HTT: variants seen among roughly 807,000 people sequenced by gnomAD.
HTT encodes huntington disease protein.
Under a neutral mutation model 362.3 loss-of-function variants are expected in HTT, and 104 were observed. That is an observed-to-expected ratio of 0.29 (90% confidence interval 0.24 to 0.34). The LOEUF is 0.34. Among genes scored for constraint, HTT ranks in the 10% least tolerant of loss-of-function variants. The pLI is 1.00. For missense variants in HTT, 3,301 were observed against 3,928.6 expected, an observed-to-expected ratio of 0.84 and a Z score of 4.27; for synonymous variants, 1,577 against 1,548.7, an observed-to-expected ratio of 1.02 and a Z score of -0.43.
At chr4:3,087,862 T>G (rs573496069) in intron 2 of HTT, among the ~76,000 whole-genome samples, 1 of 152,350 alleles carries the variant, frequency 6.6e-6, no homozygotes, top group South Asian at 2.1e-4. Flanking sequence ...TTTTTAATTT[T>G]TTTTTGAGAC....
At chr4:3,229,234 C>CCA (rs200984034) in intron 59 of HTT, among the ~76,000 whole-genome samples, 29 of 148,840 alleles carry the variant, frequency 1.9e-4, no homozygotes, top group Non-Finnish European at 3.0e-4. Flanking sequence ...AGCACACATG[C>CCA]CACACACACA....
intron 8 of HTT, among the ~76,000 whole-genome samples, chr4:3,119,495 A>G (rs1298479808): frequency 6.6e-6 from 1 of 152,234 alleles, no homozygotes; most frequent in Non-Finnish European, 1.5e-5. Context: ...TGGACTCAGA[A>G]AGAAATATTT....
In HTT at chr4:3,116,174, C is replaced by G. The variant is rs1715018569; in HGVS notation, c.979C>G (p.Gln327Glu). The change falls in exon 8 of 67, where the codon CAG becomes GAG. Residue 327 changes from glutamine (Q) to glutamate (E), a missense_variant. Physicochemically the swap from Gln to Glu is conservative, Grantham distance 29. This residue lies in a region of HTT where 2,316 missense variants were observed against 2,658.5 expected (regional missense o/e 0.87). Transcript: ENST00000355072. ...GAGGTATTTGGTGCCCTTGCTGCAG[C>G]AGCAGGTCAAGGACACAAGCCTGAA... The part of the protein sequence containing the change: ...TLRYLVPLLQ[Q>E]QVKDTSLKGS... The G allele has an allele frequency of 6.2e-7, 1 of 1,613,912 alleles. No individual in the cohort carries two copies. Among genetic ancestry groups the G allele is most frequent in the Non-Finnish European group, 8.5e-7 (1 of 1,179,826 alleles).
At position 3,074,700 on chromosome 4, in the gene HTT, G is replaced by C. The variant is rs1201068293; in HGVS notation, c.-126G>C. 1.2e-5 allele frequency: 13 copies of C among 1,053,394 alleles called. No homozygotes were observed. The highest frequency in any genetic ancestry group is 1.7e-5 in the Non-Finnish European group (13 of 775,028). The allele number at this position is 1,053,394 out of a possible 1,614,324, so 65.3% of individuals were successfully genotyped here. On this transcript the variant is annotated 5_prime_UTR_variant, in exon 1 of 67. Coordinates refer to ENST00000355072, the MANE Select transcript of HTT (RefSeq NM_001388492.1). The stretch of plus-strand genomic sequence containing the variant: ...GTGGGGGCTGCCGGGACGGGTCCAA[G>C]ATGGACGGCCGCTCAGGTTCTGCTT...
chr4:3,197,634 A>G lies in HTT; in HGVS notation c.5369-2098A>G, dbSNP rs376604811. Among the ~76,000 whole-genome samples the G allele has an allele frequency of 3.9e-5, 6 of 152,024 alleles. No individual in the cohort carries two copies. In the South Asian group the frequency reaches 1.0e-3, roughly 26 times the overall value. The stretch of plus-strand genomic sequence containing the variant: ...ACCTGGGTTCTCCTGTTTGCTCCTT[A>G]TTACAGCCCTGCGAACAGATACTGC... On this transcript the variant is annotated intron_variant, in intron 40 of 66. Transcript: ENST00000355072.
intron 1 of HTT, among the ~76,000 whole-genome samples, chr4:3,075,775 G>A (rs1034486336): frequency 1.3e-5 from 2 of 152,102 alleles, no homozygotes; most frequent in African/African-American, 2.4e-5. Context: ...TGATCACGGT[G>A]GTAGTAACAC....
At position 3,154,320 on chromosome 4, in the gene HTT, C is replaced by G. The variant is rs781017733; in HGVS notation, c.3526C>G (p.Pro1176Ala). Residue 1176 changes from proline (P) to alanine (A), a missense_variant, in exon 27 of 67, where the codon CCT becomes GCT. This residue lies in a region of HTT where 2,316 missense variants were observed against 2,658.5 expected (regional missense o/e 0.87). Transcript: ENST00000355072. ...KAALPSLTNPPSLSPIRRKGK... is the reference protein window; with the variant it reads ...KAALPSLTNPASLSPIRRKGK... ...AGCCTTGCCTTCTCTAACAAACCCC[C>G]CTTCTCTAAGTCCCATCCGACGAAA... The G allele has an allele frequency of 1.9e-6, 3 of 1,605,480 alleles. No individual in the cohort carries two copies. Among genetic ancestry groups the G allele is most frequent in the African/African-American group, 1.3e-5 (1 of 74,634 alleles).
chr4:3,155,065 T>C (rs1717075521), intron 27 of HTT, among the ~76,000 whole-genome samples: 1 of 152,028 alleles, frequency 6.6e-6, no homozygotes, highest in Admixed American at 6.6e-5. Context: ...TGACTGCTGC[T>C]GCCTCTGCTA....
At chr4:3,191,072 A>G (rs1164903617) in intron 40 of HTT, among the ~76,000 whole-genome samples, 3 of 152,220 alleles carry the variant, frequency 2.0e-5, no homozygotes, top group Non-Finnish European at 4.4e-5. Context: ...TCAAAGACCT[A>G]TAGAAAGAGA....
chr4:3,138,454 C>T (rs1716188244), intron 21 of HTT, among the ~76,000 whole-genome samples: 1 of 152,116 alleles, frequency 6.6e-6, no homozygotes, highest in South Asian at 2.1e-4. Flanking sequence ...TGCGTACCCA[C>T]AGCTCAGCTC....
chr4:3,208,310 G>A lies in HTT; in HGVS notation c.6153-463G>A, dbSNP rs76755171. 4.6e-3 allele frequency among the ~76,000 whole-genome samples: 696 copies of A among 152,322 alleles called. 8 individuals are homozygous for A. Among genetic ancestry groups the A allele is most frequent in the Middle Eastern group, 0.014 (4 of 294 alleles). On this transcript the variant is annotated intron_variant, in intron 45 of 66. Coordinates refer to ENST00000355072, the MANE Select transcript of HTT (RefSeq NM_001388492.1). ...TCAGTCCAGATGAGGGAGATTAAAA[G>A]ATTATAAATATCTTGTGCCAGATGA...
chr4:3,226,434 G>A (rs946811012), intron 57 of HTT, among the ~76,000 whole-genome samples: 2 of 152,148 alleles, frequency 1.3e-5, no homozygotes, highest in African/African-American at 4.8e-5. Flanking sequence ...TTGCACCACT[G>A]CACTCCAGCC....
chr4:3,126,908 C>T (rs947172476), intron 11 of HTT, among the ~76,000 whole-genome samples: 2 of 152,132 alleles, frequency 1.3e-5, no homozygotes, highest in Admixed American at 6.5e-5. Flanking sequence ...TGTCTGTGAC[C>T]GCCTAGCTTT....
At chr4:3,156,453 T>C (rs1269512463) in intron 27 of HTT, among the ~76,000 whole-genome samples, 5 of 152,158 alleles carry the variant, frequency 3.3e-5, no homozygotes, top group Admixed American at 6.5e-5. Flanking sequence ...TTTCTAAGGA[T>C]TGACTGTAGT....
rs560448798 is a variant in HTT, at chr4:3,207,343, C to T, written c.6138C>T (p.Ser2046=). 6.2e-6 allele frequency: 10 copies of T among 1,612,646 alleles called. No homozygotes were observed. Among genetic ancestry groups the T allele is most frequent in the Admixed American group, 3.3e-5 (2 of 59,868 alleles). ...GAATCCAGGAATACCTTCAGAGCAG[C>T]GGGCTCGCTCAGAGGTAATGCTGGA... ...LNRIQEYLQS[S]GLAQRHQRLY... The change falls in exon 45 of 67, where the codon AGC becomes AGT. Residue 2046 remains serine, a synonymous_variant. Transcript: ENST00000355072.
chr4:3,174,566 C>A (rs1718144480), intron 31 of HTT, among the ~76,000 whole-genome samples, 155 bp from the exon 32 acceptor site: 1 of 152,242 alleles, frequency 6.6e-6, no homozygotes, highest in Admixed American at 6.5e-5. Flanking sequence ...GAGGGCGATG[C>A]TGCCACACTG....
intron 41 of HTT, 63 bp downstream of exon 41, chr4:3,200,002 TA>T (rs1719458955): frequency 7.2e-7 from 1 of 1,384,796 alleles, no homozygotes; most frequent in African/African-American, 1.4e-5. Context: ...AGACTCCCAG[TA>T]ACCTGAGCTT....
intron 4 of HTT, among the ~76,000 whole-genome samples, chr4:3,105,154 G>T (rs1303797991): frequency 6.6e-6 from 1 of 152,206 alleles, no homozygotes; most frequent in Non-Finnish European, 1.5e-5. Context: ...TAGATGAGAT[G>T]AGAATTAAAA....
intron 27 of HTT, among the ~76,000 whole-genome samples, chr4:3,155,627 A>G (rs1717102761): frequency 6.7e-6 from 1 of 149,774 alleles, no homozygotes; most frequent in South Asian, 2.1e-4. Context: ...CACACCTGTA[A>G]TCCCAGCACT....
Sources: gnomAD v4.1 joint callset for allele counts (sites outside exome capture counted in the v4.1 genomes callset) on GRCh38, gnomAD v4.1.1 for gene constraint, gnomAD v4.1.1 regional missense constraint, MANE v1.5 for transcripts, NCBI Gene and HGNC (gene_info 2026-07-23, HGNC 2026-07-21) for gene names.